HOXA3: variants seen among roughly 807,000 people sequenced by gnomAD.
HOXA3 encodes homeobox A3.
A neutral mutation model predicts 30.3 loss-of-function variants in HOXA3; 8 were observed. The ratio of observed to expected loss-of-function variants is 0.26; its 90% CI spans 0.15 to 0.48. HOXA3 has a LOEUF of 0.48. HOXA3 is among the 20% of genes least tolerant of loss of function. HOXA3 has a pLI of 0.99. For missense variants in HOXA3, 653 were observed against 614.4 expected, an observed-to-expected ratio of 1.06 and a Z score of -0.66; for synonymous variants, 323 against 273.1, an observed-to-expected ratio of 1.18 and a Z score of -1.80.
intron 2 of HOXA3, among the ~76,000 whole-genome samples, chr7:27,135,231 A>C (rs1489710939): frequency 1.3e-5 from 2 of 151,966 alleles, no homozygotes; most frequent in African/African-American, 4.8e-5. Flanking sequence ...TCTGAAGAAT[A>C]GAAAATATTC....
chr7:27,150,870 C>T (rs1018205986), intron 1 of HOXA3: 2 of 152,324 alleles, frequency 1.3e-5, no homozygotes, highest in Admixed American at 6.5e-5. Flanking sequence ...CCCCTTGCGT[C>T]CCCCTCTACC....
chr7:27,116,505 C>T (rs1784731859), intron 4 of HOXA3: 1 of 152,220 alleles, frequency 6.6e-6, no homozygotes, highest in South Asian at 2.1e-4. Flanking sequence ...GTAATGGACT[C>T]ACTTTAGCAC....
intron 4 of HOXA3, among the ~76,000 whole-genome samples, chr7:27,121,524 T>A (rs1785013477): frequency 6.6e-6 from 1 of 152,254 alleles, no homozygotes; most frequent in African/African-American, 2.4e-5. Context: ...ACAGCTTGAC[T>A]ATTGCTCTGT....
chr7:27,110,600 C>A lies in HOXA3; in HGVS notation c.41G>T (p.Gly14Val). The A allele has an allele frequency of 6.2e-7, 1 of 1,607,360 alleles. No individual in the cohort carries two copies. The highest frequency in any genetic ancestry group is 8.5e-7 in the Non-Finnish European group (1 of 1,175,246). ...ATYYDSSAIY[G>V]GYPYQAANGF... is the part of the protein sequence containing the mutation. ...GTTGGCTGCCTGGTAGGGGTAGCCA[C>A]CGTAGATCGCCGAGCTGTCGTAGTA... The change falls in exon 5 of 6, where the codon GGT becomes GTT. Residue 14 changes from glycine (G) to valine (V), a missense_variant. Gly to Val is a moderately radical substitution (Grantham distance 109). Transcript: ENST00000612286.
At chr7:27,129,214 T>C (rs1293485307) in intron 2 of HOXA3, 1 of 1,429,038 alleles carries the variant, frequency 7.0e-7, no homozygotes, top group Admixed American at 1.7e-5. Context: ...CTGGTTAAGA[T>C]CTCTAGAAGA....
At position 27,107,406 on chromosome 7, in the gene HOXA3, TAC is replaced by T. The variant is rs1784067570; in HGVS notation, c.*507_*508del. 6.6e-6 allele frequency: 1 copy of T among 152,212 alleles called. No homozygotes were observed. Among genetic ancestry groups the T allele is most frequent in the Non-Finnish European group, 1.5e-5 (1 of 68,104 alleles). The allele number at this position is 152,212 out of a possible 1,614,324, so 9.4% of individuals were successfully genotyped here. A position where few individuals can be genotyped will look rare whatever the true frequency, so the allele number is the denominator to read the frequency against. On this transcript the variant is annotated 3_prime_UTR_variant, in exon 6 of 6. Coordinates refer to ENST00000612286, the MANE Select transcript of HOXA3 (RefSeq NM_153631.3). The stretch of plus-strand genomic sequence containing the variant: ...AAATAAATCTGACTGTTCACCAGCA[TAC>T]ACACACGGAAAGACGTACACTTAGT...
At position 27,107,110 on chromosome 7, in the gene HOXA3, AT is replaced by A. The variant is rs1040106533; in HGVS notation, c.*804del. ...AATCTAGTATTTTTCGCGTTTACAG[AT>A]TTTTTTTTTCAGTTTTGCCGGATGT... On this transcript the variant is annotated 3_prime_UTR_variant, in exon 6 of 6. Transcript: ENST00000612286. 1.6e-4 allele frequency: 24 copies of A among 151,246 alleles called. No homozygotes were observed. Among genetic ancestry groups the A allele is most frequent in the Middle Eastern group, 3.4e-3 (1 of 290 alleles). 9.4% of individuals were successfully genotyped at this position (151,246 alleles called of 1,614,324 possible). A position where few individuals can be genotyped will look rare whatever the true frequency, so the allele number is the denominator to read the frequency against.
At chr7:27,118,446 G>A (rs1393030263) in intron 4 of HOXA3, among the ~76,000 whole-genome samples, 1 of 152,172 alleles carries the variant, frequency 6.6e-6, no homozygotes, top group African/African-American at 2.4e-5. Flanking sequence ...TTGAAATAGG[G>A]AACCACTGAA....
chr7:27,120,270 C>T (rs983920960), intron 4 of HOXA3, among the ~76,000 whole-genome samples: 6 of 152,040 alleles, frequency 3.9e-5, no homozygotes, highest in Non-Finnish European at 8.8e-5. Flanking sequence ...TGTCCGGGTG[C>T]GGTGGCTCAT....
At chr7:27,147,362 G>T (rs911817057) in intron 1 of HOXA3, 5 of 1,614,126 alleles carry the variant, frequency 3.1e-6, no homozygotes, top group Non-Finnish European at 4.2e-6. Context: ...GTGTACTTCC[G>T]GTCGGCGCCT....
chr7:27,143,139 T>C, intron 1 of HOXA3: 1 of 1,608,622 alleles, frequency 6.2e-7, no homozygotes, highest in Non-Finnish European at 8.5e-7. Flanking sequence ...GCCTGCTCGC[T>C]GCTGGCAGGG....
Position 27,110,546 on chromosome 7 carries a change from G to A in HOXA3, c.95C>T (p.Pro32Leu), listed in dbSNP as rs1376465603. Residue 32 changes from proline (P) to leucine (L), a missense_variant, in exon 5 of 6, where the codon CCG becomes CTG. Around this residue, in one of 3 missense-constraint regions of HOXA3, gnomAD observed 320 missense variants for 321.9 expected, o/e 0.99. Coordinates refer to ENST00000612286, the MANE Select transcript of HOXA3 (RefSeq NM_153631.3). ...NGFAYNANQQ[P>L]YPASAALGAD... is the part of the protein sequence containing the mutation. ...GCCCAAAGCGGCGGACGCCGGGTAC[G>A]GCTGCTGATTGGCATTATAAGCGAA... The A allele has an allele frequency of 5.0e-6, 8 of 1,606,718 alleles. No homozygotes were observed. The highest frequency in any genetic ancestry group is 2.7e-5 in the African/African-American group (2 of 74,802).
rs1014177801 is a variant in HOXA3 at position 27,108,238 on chromosome 7, C to T, written c.1009G>A (p.Gly337Arg). The change falls in exon 6 of 6, where the codon GGG (glycine) becomes AGG (arginine). Residue 337 changes from glycine (G) to arginine (R), a missense_variant. This residue lies in a region of HOXA3 where 330 missense variants were observed against 274.4 expected (regional missense o/e 1.20). Transcript: ENST00000612286. The surrounding 1 kb of genome is among the most constrained non-coding windows in gnomAD (Gnocchi z 5.0). Reference protein sequence around the residue: ...KRYTAAGAGAGGTPDYDPHAH... With the variant: ...KRYTAAGAGARGTPDYDPHAH... ...TGCGGGTCATAGTCGGGGGTGCCCCCTGCGCCCGCCCCTGCCGCCGTGTAG... is the reference window on the plus strand; with the variant it reads ...TGCGGGTCATAGTCGGGGGTGCCCCTTGCGCCCGCCCCTGCCGCCGTGTAG... 42 of 1,518,588 alleles carry T rather than the reference C, an allele frequency of 2.8e-5. 1 individual carries two copies. The highest frequency in any genetic ancestry group is 6.2e-6 in the Non-Finnish European group (7 of 1,133,764). The allele number at this position is 1,518,588 out of a possible 1,614,324, so 94.1% of individuals were successfully genotyped here.
rs547337729 is a variant in HOXA3 at position 27,134,501 on chromosome 7, CAT to C, written c.-390+5580_-390+5581del. ...GCTGACATGTCTATAAGGTGTGTCA[CAT>C]GTTTTTAACCAAAAAGCACAATAAA... On this transcript the variant is annotated intron_variant, in intron 2 of 5. Coordinates refer to ENST00000612286, the MANE Select transcript of HOXA3 (RefSeq NM_153631.3). 8.5e-5 allele frequency among the ~76,000 whole-genome samples: 13 copies of C among 152,334 alleles called. No individual in the cohort carries two copies. The East Asian group carries it at 1.7e-3, about 20-fold the overall frequency.
intron 1 of HOXA3, chr7:27,145,826 G>C: frequency 6.2e-7 from 1 of 1,614,254 alleles, no homozygotes; most frequent in Non-Finnish European, 8.5e-7. Context: ...GTGTCAGGTA[G>C]CGGTTGAAGT....
chr7:27,129,162 G>A (rs1303431513), intron 2 of HOXA3: 4 of 993,800 alleles, frequency 4.0e-6, no homozygotes, highest in Non-Finnish European at 4.9e-6. Flanking sequence ...GATGAGGAAC[G>A]GAGCAGGAGA....
intron 4 of HOXA3, among the ~76,000 whole-genome samples, chr7:27,118,256 G>A (rs769143241): frequency 2.0e-5 from 3 of 152,316 alleles, no homozygotes; most frequent in South Asian, 2.1e-4. Flanking sequence ...AGCGCTCTCC[G>A]GAGAAGGGGA....
chr7:27,143,660 A>T, intron 1 of HOXA3: 1 of 1,544,002 alleles, frequency 6.5e-7, no homozygotes, highest in Non-Finnish European at 8.7e-7. Context: ...TTGTGCGTCT[A>T]TAGCACCCTT....
At chr7:27,127,376 A>G (rs1202758828) in intron 2 of HOXA3, among the ~76,000 whole-genome samples, 1 of 152,188 alleles carries the variant, frequency 6.6e-6, no homozygotes, top group African/African-American at 2.4e-5. Context: ...TTGTAGGTAT[A>G]GAACGGATCA....
Sources: gnomAD v4.1 joint callset for allele counts (sites outside exome capture counted in the v4.1 genomes callset) on GRCh38, gnomAD v4.1.1 for gene constraint, gnomAD v4.1.1 regional missense constraint, Gnocchi (gnomAD v3.1) non-coding constraint, MANE v1.5 for transcripts, NCBI Gene and HGNC (gene_info 2026-07-23, HGNC 2026-07-21) for gene names.